The following XRN1 variants were observed in gnomAD, a reference collection of about 807,000 sequenced individuals.
XRN1 encodes the protein strand-exchange protein 1 homolog.
In XRN1, 67 loss-of-function variants were observed where a neutral mutation model predicts 222.3. The observed-to-expected ratio is 0.30, with a 90% CI of 0.25 to 0.37. The LOEUF (loss-of-function observed/expected upper bound fraction) is 0.37, where lower values mean the gene tolerates loss of function less well. Ranked by LOEUF, XRN1 falls within the 10% of genes least tolerant of loss-of-function variation. XRN1 has a pLI of 1.00. For missense variants in XRN1, 1,707 were observed against 2,000.2 expected (o/e 0.85, Z 2.80); for synonymous variants, 643 against 652.4 (o/e 0.99, Z 0.22).
At chr3:142,371,483 G>A (rs1460167844) in intron 25 of XRN1, among the ~76,000 whole-genome samples, 155 bp from the exon 26 acceptor site, 1 of 152,184 alleles carries the variant, frequency 6.6e-6, no homozygotes, top group East Asian at 1.9e-4. Context: ...GATAGAAAGT[G>A]TAAGACTGGT....
At chr3:142,357,915 G>A (rs1410784870) in intron 30 of XRN1, among the ~76,000 whole-genome samples, 3 of 152,144 alleles carry the variant, frequency 2.0e-5, no homozygotes, top group Admixed American at 2.0e-4. Flanking sequence ...GCACACACCT[G>A]TAATCCCAGC....
At chr3:142,391,750 AT>A (rs373128531) in intron 20 of XRN1, among the ~76,000 whole-genome samples, 2,806 of 64,012 alleles carry the variant, frequency 0.044, 30 homozygotes, top group East Asian at 0.091. Context: ...AAAAAAAAAA[AT>A]ATATATATAT....
Position 142,391,801 on chromosome 3 carries a change from T to C in XRN1, c.2339+5528A>G, listed in dbSNP as rs1383881573. Among the ~76,000 whole-genome samples the C allele has an allele frequency of 3.7e-4, 56 of 149,606 alleles. 1 individual carries two copies. The highest frequency in any genetic ancestry group is 3.6e-3 in the Admixed American group (54 of 14,986). On this transcript the variant is annotated intron_variant, in intron 20 of 40. Transcript: ENST00000392981. The stretch of plus-strand genomic sequence containing the variant: ...GAATGAAATAAAATTTATTGTATTT[T>C]CTTACTATCCTGCATGAAAGGGTTT...
chr3:142,396,623 A>G (rs1376325379), intron 20 of XRN1, among the ~76,000 whole-genome samples: 2 of 152,196 alleles, frequency 1.3e-5, no homozygotes, highest in African/African-American at 2.4e-5. Context: ...ATCTTTGAAT[A>G]AGGATATTGT....
At chr3:142,319,110 G>T (rs1462886380) in intron 37 of XRN1, among the ~76,000 whole-genome samples, 1 of 152,190 alleles carries the variant, frequency 6.6e-6, no homozygotes, top group Non-Finnish European at 1.5e-5. Context: ...TAAGCTGGCT[G>T]AAGGGTCAAT....
intron 37 of XRN1, among the ~76,000 whole-genome samples, chr3:142,326,489 TTGTA>T (rs1283726405): frequency 6.6e-6 from 1 of 152,142 alleles, no homozygotes; most frequent in Non-Finnish European, 1.5e-5. Flanking sequence ...ATGTGACTGA[TTGTA>T]TGTTGATTTT....
intron 37 of XRN1, among the ~76,000 whole-genome samples, chr3:142,323,122 T>C (rs1372906291): frequency 6.6e-6 from 1 of 152,120 alleles, no homozygotes; most frequent in South Asian, 2.1e-4. Flanking sequence ...ATCTAGCGCA[T>C]GATTATATTG....
chr3:142,340,146 G>A (rs374722118), intron 33 of XRN1, among the ~76,000 whole-genome samples: 3 of 152,000 alleles, frequency 2.0e-5, no homozygotes, highest in Non-Finnish European at 2.9e-5. Context: ...ACCTGAGGTC[G>A]GGAGTTCGAG....
chr3:142,326,282 C>T (rs942309751), intron 37 of XRN1, among the ~76,000 whole-genome samples: 5 of 151,658 alleles, frequency 3.3e-5, no homozygotes, highest in Non-Finnish European at 7.4e-5. Context: ...AATACATGAA[C>T]ATGGACAATC....
chr3:142,365,758 C>A (rs1228009196), intron 27 of XRN1, among the ~76,000 whole-genome samples: 2 of 152,090 alleles, frequency 1.3e-5, no homozygotes, highest in African/African-American at 4.8e-5. Flanking sequence ...CCAGAAGTAA[C>A]CTTACTTCTA....
intron 23 of XRN1, among the ~76,000 whole-genome samples, chr3:142,377,716 T>A (rs2107916211): frequency 6.6e-6 from 1 of 152,164 alleles, no homozygotes; most frequent in Admixed American, 6.5e-5. Context: ...AATGTTGTGG[T>A]AAAAAAAGAA....
chr3:142,307,378 A>C lies in XRN1; in HGVS notation c.*4133T>G, dbSNP rs2064990887. 1 of 152,182 alleles carries C rather than the reference A, an allele frequency of 6.6e-6. No homozygotes were observed. The highest frequency in any genetic ancestry group is 6.5e-5 in the Admixed American group (1 of 15,268). The allele number at this position is 152,182 out of a possible 1,614,324, so 9.4% of individuals were successfully genotyped here. A position where few individuals can be genotyped will look rare whatever the true frequency, so the allele number is the denominator to read the frequency against. ...GTGTACGGCTGGAGGGAAAAAAAAAAAGACTTTTTACAGGTTTAACTTTGT... is the reference window on the plus strand; with the variant it reads ...GTGTACGGCTGGAGGGAAAAAAAAACAGACTTTTTACAGGTTTAACTTTGT... On this transcript the variant is annotated 3_prime_UTR_variant, in exon 41 of 41. Transcript: ENST00000392981.
chr3:142,401,858 T>C (rs574962066), intron 18 of XRN1, among the ~76,000 whole-genome samples: 23 of 152,336 alleles, frequency 1.5e-4, no homozygotes, highest in East Asian at 1.3e-3. Context: ...AAGATCAACA[T>C]TGATGTTCTA....
At chr3:142,438,253 G>A (rs531489957) in intron 1 of XRN1, among the ~76,000 whole-genome samples, 3 of 152,144 alleles carry the variant, frequency 2.0e-5, no homozygotes, top group African/African-American at 4.8e-5. Flanking sequence ...TAACTAATCC[G>A]ATAGGCAGAG....
At chr3:142,421,792 CAATT>C (rs2069045925) in intron 8 of XRN1, among the ~76,000 whole-genome samples, 2 of 152,046 alleles carry the variant, frequency 1.3e-5, no homozygotes, top group South Asian at 4.1e-4. Context: ...CATTTGGTAA[CAATT>C]AATTAAATTA....
intron 20 of XRN1, among the ~76,000 whole-genome samples, chr3:142,393,394 C>T (rs2067809927): frequency 7.0e-6 from 1 of 143,108 alleles, no homozygotes; most frequent in South Asian, 2.4e-4. Flanking sequence ...ACATGAAGTC[C>T]TTGCCCATGC....
chr3:142,434,492 CA>C, intron 1 of XRN1, among the ~76,000 whole-genome samples: 1 of 88,654 alleles, frequency 1.1e-5, no homozygotes. Context: ...ACGACTTGAT[CA>C]AATTTTTTTT....
At chr3:142,389,673 C>T (rs767891489) in intron 20 of XRN1, among the ~76,000 whole-genome samples, 5 of 152,178 alleles carry the variant, frequency 3.3e-5, no homozygotes, top group Admixed American at 6.5e-5. Flanking sequence ...GTGTCCGCCA[C>T]CACGCTCAGC....
At chr3:142,394,440 C>T (rs965514751) in intron 20 of XRN1, among the ~76,000 whole-genome samples, 1 of 152,188 alleles carries the variant, frequency 6.6e-6, no homozygotes, top group Non-Finnish European at 1.5e-5. Context: ...TCCTGATAAA[C>T]TGATAGTCTT....
Sources: allele counts gnomAD v4.1 joint callset (sites outside exome capture counted in the v4.1 genomes callset), GRCh38; gene constraint gnomAD v4.1.1; transcripts MANE v1.5; gene names NCBI Gene and HGNC (gene_info 2026-07-23, HGNC 2026-07-21).